Variants in FCRL5 observed in about 807,000 individuals in gnomAD.
The protein encoded by FCRL5 is Fc receptor-like protein 5.
FCRL5 carries 79 observed loss-of-function variants against 92.1 expected under a neutral mutation model. The ratio of observed to expected loss-of-function variants is 0.86; its 90% CI spans 0.72 to 1.03. The LOEUF (loss-of-function observed/expected upper bound fraction) is 1.03. FCRL5 is among the 50% of genes least tolerant of loss of function. FCRL5 has a pLI of 0.00. For synonymous variants in FCRL5, 466 were observed against 469.3 expected, an observed-to-expected ratio of 0.99 and a Z score of 0.09; for missense variants, 1,160 against 1,181.1, an observed-to-expected ratio of 0.98 and a Z score of 0.26.
chr1:157,543,078 T>G lies in FCRL5; in HGVS notation c.904A>C (p.Thr302Pro), dbSNP rs1209595407. ...SPEKALNFEG[T>P]KVTLHCETQE... is the part of the protein sequence containing the mutation. The stretch of plus-strand genomic sequence containing the variant: ...GTTTCACAGTGAAGTGTCACCTTGG[T>G]TCCCTCAAAATTCAGAGCCTTTTCA... The change falls in exon 6 of 17, where the codon ACC becomes CCC. Residue 302 changes from threonine to proline, a missense_variant. Coordinates refer to ENST00000361835, the MANE Select transcript of FCRL5 (RefSeq NM_031281.3). The G allele has an allele frequency of 1.2e-6, 2 of 1,614,102 alleles. No homozygotes were observed. The highest frequency in any genetic ancestry group is 2.7e-5 in the African/African-American group (2 of 74,944).
intron 1 of FCRL5, among the ~76,000 whole-genome samples, chr1:157,551,355 T>C (rs1651803186): frequency 6.6e-6 from 1 of 152,204 alleles, no homozygotes; most frequent in Non-Finnish European, 1.5e-5. Flanking sequence ...TCCATGCACC[T>C]TCCAACTGTG....
intron 3 of FCRL5, among the ~76,000 whole-genome samples, chr1:157,545,522 G>GTTTTTTTTTTTT (rs754972248): frequency 3.5e-5 from 3 of 84,940 alleles, no homozygotes; most frequent in Admixed American, 1.5e-4. Context: ...TCTTTAATGA[G>GTTTTTTTTTTTT]TTTTTTTTTT....
chr1:157,545,863 A>G (rs962835231), intron 3 of FCRL5, among the ~76,000 whole-genome samples: 16 of 152,074 alleles, frequency 1.1e-4, no homozygotes, highest in Non-Finnish European at 1.5e-5. Context: ...AAGGTCTGCC[A>G]TTTTCAGGGA....
chr1:157,524,422 G>T lies in FCRL5; in HGVS notation c.2096C>A (p.Thr699Asn). Reference protein sequence around the residue: ...ILYWFYHEDVTLGKISAPSGG... With the variant: ...ILYWFYHEDVNLGKISAPSGG... ...AGAGGGGGCTGAGATCTTACCCAGG[G>T]TGACATCTTCATGATAAAACCAGTA... The change falls in exon 10 of 17, where the codon ACC becomes AAC. Residue 699 changes from threonine to asparagine, a missense_variant. By Grantham distance (65) the Thr-to-Asn change is moderately conservative. Coordinates refer to ENST00000361835, the MANE Select transcript of FCRL5 (RefSeq NM_031281.3). 6.2e-7 allele frequency: 1 copy of T among 1,614,220 alleles called. No homozygotes were observed. Among genetic ancestry groups the T allele is most frequent in the Non-Finnish European group, 8.5e-7 (1 of 1,180,034 alleles).
chr1:157,519,747 C>A lies in FCRL5; in HGVS notation c.2656G>T (p.Ala886Ser). 1 of 1,613,942 alleles carries A rather than the reference C, an allele frequency of 6.2e-7. No individual in the cohort carries two copies. Among genetic ancestry groups the A allele is most frequent in the South Asian group, 1.1e-5 (1 of 91,064 alleles). ...KAGRKPASDP[A>S]RSPSDSDSQE... Reference sequence around the variant, plus strand: ...GGAATGCAGCTCAGCTCTTACCTGGCGGGGTCAGAGGCAGGCTTTCTCCCT... The same window carrying A: ...GGAATGCAGCTCAGCTCTTACCTGGAGGGGTCAGAGGCAGGCTTTCTCCCT... The change falls in exon 13 of 17, where the codon GCC becomes TCC. Residue 886 changes from alanine to serine, a missense_variant. Transcript: ENST00000361835.
Position 157,527,819 on chromosome 1 carries a change from G to A in FCRL5, c.1758C>T (p.His586=), listed in dbSNP as rs1202812091. ...QAVVGDLLEL[H]CEAPRGSPPI... Reference sequence around the variant, plus strand: ...GGGGAGAGCCTCTCGGGGCCTCACAGTGAAGCTCCAGCAGGTCCCCCACCA... The same window carrying A: ...GGGGAGAGCCTCTCGGGGCCTCACAATGAAGCTCCAGCAGGTCCCCCACCA... The change falls in exon 9 of 17, where the codon CAC becomes CAT. Residue 586 remains histidine, a synonymous_variant. Coordinates refer to ENST00000361835, the MANE Select transcript of FCRL5 (RefSeq NM_031281.3). The A allele has an allele frequency of 6.2e-7, 1 of 1,613,420 alleles. No individual in the cohort carries two copies. The highest frequency in any genetic ancestry group is 2.2e-5 in the East Asian group (1 of 44,876).
At chr1:157,532,416 A>G in intron 8 of FCRL5, 1 of 152,316 alleles carries the variant, frequency 6.6e-6, no homozygotes, top group East Asian at 1.9e-4. Flanking sequence ...GAAATCTATT[A>G]CTAATTTTTT....
intron 1 of FCRL5, among the ~76,000 whole-genome samples, chr1:157,550,892 A>G (rs1333368540): frequency 6.6e-6 from 1 of 152,188 alleles, no homozygotes; most frequent in African/African-American, 2.4e-5. Flanking sequence ...TGGAATGCCA[A>G]TCATACTCCA....
intron 10 of FCRL5, 143 bp downstream of exon 10, chr1:157,524,136 A>G (rs1650317423): frequency 1.3e-6 from 1 of 750,716 alleles, no homozygotes; most frequent in East Asian, 2.7e-5. Context: ...AGACTTTCAC[A>G]GGGAGGTTCT....
chr1:157,544,013 C>T (rs12131802), intron 5 of FCRL5, among the ~76,000 whole-genome samples: 17,095 of 151,994 alleles, frequency 0.11, 1,327 homozygotes, highest in African/African-American at 0.22. Context: ...GAGAACCCTG[C>T]GAGAGAAAAG....
At chr1:157,523,781 G>A (rs1571079823) in intron 10 of FCRL5, 1 of 156,348 alleles carries the variant, frequency 6.4e-6, no homozygotes, top group Non-Finnish European at 1.4e-5. Flanking sequence ...AGATCGCTGA[G>A]TGTGTCTCCT....
intron 15 of FCRL5, 152 bp downstream of exon 15, chr1:157,518,277 T>C (rs1235010602): frequency 3.1e-6 from 2 of 645,422 alleles, no homozygotes; most frequent in South Asian, 2.0e-5. Flanking sequence ...TGGATTCACC[T>C]GAAGCAGCAT....
Position 157,551,421 on chromosome 1 carries a change from C to T in FCRL5, c.31+911G>A, listed in dbSNP as rs551160712. ...CATTTCTGCTCCTCTAGCTCCTACT[C>T]ACCTCTAAGTTTCATGAAGTCTTTA... On this transcript the variant is annotated intron_variant, in intron 1 of 16. Coordinates refer to ENST00000361835, the MANE Select transcript of FCRL5 (RefSeq NM_031281.3). 6.6e-5 allele frequency among the ~76,000 whole-genome samples: 10 copies of T among 152,352 alleles called. No homozygotes were observed. The East Asian group carries it at 1.9e-3, about 29-fold the overall frequency.
chr1:157,537,885 C>T lies in FCRL5; in HGVS notation c.1402+1201G>A, dbSNP rs992149300. ...CACTTTCCAACTCAGATTGGCATGC[C>T]TTTCATCTGCTCCTGCAGCCACCAG... On this transcript the variant is annotated intron_variant, in intron 7 of 16. Coordinates refer to ENST00000361835, the MANE Select transcript of FCRL5 (RefSeq NM_031281.3). 3.3e-5 allele frequency among the ~76,000 whole-genome samples: 5 copies of T among 152,274 alleles called. No individual in the cohort carries two copies. The South Asian group carries it at 6.2e-4, about 19-fold the overall frequency.
In FCRL5 at chr1:157,519,025, A is replaced by C. The variant is rs562083325; in HGVS notation, c.2661-243T>G. 4.3e-5 allele frequency: 15 copies of C among 346,258 alleles called. No homozygotes were observed. In the East Asian group the frequency reaches 5.8e-4, roughly 13 times the overall value. The allele number at this position is 346,258 out of a possible 1,614,324, so 21.4% of individuals were successfully genotyped here. The stretch of plus-strand genomic sequence containing the variant: ...CTGATGCTTACAGCAATACGTTGTT[A>C]GTTCTATTTCATCCTCGTTTTAGCT... On this transcript the variant is annotated intron_variant, in intron 13 of 16. Transcript: ENST00000361835.
At chr1:157,526,657 A>G (rs931378254) in intron 9 of FCRL5, among the ~76,000 whole-genome samples, 1 of 152,110 alleles carries the variant, frequency 6.6e-6, no homozygotes, top group African/African-American at 2.4e-5. Context: ...ATATTTTAGG[A>G]AAAGGACAGA....
At position 157,514,727 on chromosome 1, in the gene FCRL5, A is replaced by G. The variant is rs1649846513; in HGVS notation, c.*948T>C. On this transcript the variant is annotated 3_prime_UTR_variant, in exon 17 of 17. Transcript: ENST00000361835. ...CTCAGGTGATCCACAAGCACATGAAAGTGTGAGAAGCCCTTCCTCTTGCTG... is the reference window on the plus strand; with the variant it reads ...CTCAGGTGATCCACAAGCACATGAAGGTGTGAGAAGCCCTTCCTCTTGCTG... The G allele has an allele frequency of 6.6e-6, 1 of 152,278 alleles. No homozygotes were observed. 9.4% of individuals were successfully genotyped at this position (152,278 alleles called of 1,614,324 possible).
chr1:157,520,986 C>T lies in FCRL5; in HGVS notation c.2515+31G>A, dbSNP rs776348207. 1.5e-5 allele frequency: 24 copies of T among 1,570,586 alleles called. No individual in the cohort carries two copies. In the East Asian group the frequency reaches 2.7e-4, roughly 18 times the overall value. Reference sequence around the variant, plus strand: ...GGGTCCGCGGAGGAAACATTTTGTCCGCATCTGTGGCCCGGGCACGGGAAA... The same window carrying T: ...GGGTCCGCGGAGGAAACATTTTGTCTGCATCTGTGGCCCGGGCACGGGAAA... On this transcript the variant is annotated intron_variant, in intron 11 of 16. Transcript: ENST00000361835.
chr1:157,529,082 A>G (rs2101613325), intron 8 of FCRL5, among the ~76,000 whole-genome samples: 1 of 152,386 alleles, frequency 6.6e-6, no homozygotes. Flanking sequence ...ACCAGTATCC[A>G]GAATCAACAA....
Sources: gnomAD v4.1 joint callset for allele counts (sites outside exome capture counted in the v4.1 genomes callset) on GRCh38, gnomAD v4.1.1 for gene constraint, MANE v1.5 for transcripts, NCBI Gene and HGNC (gene_info 2026-07-23, HGNC 2026-07-21) for gene names.